Variants in STXBP5L observed in about 807,000 individuals in gnomAD.
STXBP5L encodes syntaxin-binding protein 5-like.
STXBP5L carries 65 observed loss-of-function variants against 144.5 expected under a neutral mutation model. The observed-to-expected ratio is 0.45, with a 90% confidence interval of 0.37 to 0.55. The LOEUF (loss-of-function observed/expected upper bound fraction) is 0.55. Among genes scored for constraint, STXBP5L ranks in the 20% least tolerant of loss-of-function variants. The pLI, the probability that STXBP5L is intolerant of heterozygous loss-of-function variation, is 0.00. For synonymous variants in STXBP5L, 505 were observed against 469.6 expected, an observed-to-expected ratio of 1.08 and a Z score of -0.97; for missense variants, 1,298 against 1,405.5, an observed-to-expected ratio of 0.92 and a Z score of 1.22.
intron 15 of STXBP5L, among the ~76,000 whole-genome samples, chr3:121,252,381 CAAAT>C (rs35454737): frequency 6.0e-5 from 9 of 150,012 alleles, no homozygotes; most frequent in Admixed American, 6.6e-5. Context: ...AGAAAAATAA[CAAAT>C]AAATAAATAA....
chr3:121,193,486 G>C (rs1427195745), intron 9 of STXBP5L, among the ~76,000 whole-genome samples: 1 of 151,830 alleles, frequency 6.6e-6, no homozygotes, highest in Non-Finnish European at 1.5e-5. Flanking sequence ...GTACCCAAAG[G>C]ATTATAAATC....
chr3:121,229,362 A>C (rs1360720837), intron 11 of STXBP5L, among the ~76,000 whole-genome samples: 1 of 152,070 alleles, frequency 6.6e-6, no homozygotes, highest in Non-Finnish European at 1.5e-5. Context: ...ATTTTTTCTC[A>C]ATAAAAGACA....
chr3:120,911,668 A>G (rs1708848669), intron 2 of STXBP5L, among the ~76,000 whole-genome samples: 1 of 152,092 alleles, frequency 6.6e-6, no homozygotes, highest in African/African-American at 2.4e-5. Context: ...AGTGGGTTAT[A>G]ATAATATTAG....
intron 20 of STXBP5L, among the ~76,000 whole-genome samples, chr3:121,322,004 C>A (rs2043986432): frequency 6.6e-6 from 1 of 152,082 alleles, no homozygotes; most frequent in Non-Finnish European, 1.5e-5. Flanking sequence ...ACTCTTGTCC[C>A]CCTTCCTTCC....
intron 3 of STXBP5L, among the ~76,000 whole-genome samples, chr3:120,981,326 A>G (rs1576562382): frequency 6.6e-6 from 1 of 152,126 alleles, no homozygotes; most frequent in East Asian, 1.9e-4. Context: ...TTCTGAAACA[A>G]TGATAACTCA....
intron 19 of STXBP5L, among the ~76,000 whole-genome samples, chr3:121,313,096 C>T (rs1331127890): frequency 6.9e-6 from 1 of 145,478 alleles, no homozygotes; most frequent in Non-Finnish European, 1.5e-5. Context: ...GGGGCTGACC[C>T]CCCCACCACC....
intron 7 of STXBP5L, among the ~76,000 whole-genome samples, chr3:121,129,501 A>T (rs1272937767): frequency 6.6e-6 from 1 of 152,052 alleles, no homozygotes. Flanking sequence ...TCCCAATCAC[A>T]GCTGCCTAGC....
intron 17 of STXBP5L, among the ~76,000 whole-genome samples, chr3:121,258,032 A>G (rs1306546121): frequency 6.6e-6 from 1 of 152,210 alleles, no homozygotes; most frequent in Non-Finnish European, 1.5e-5. Context: ...AGAGTTCTAT[A>G]TTAGAAAAAA....
At chr3:121,328,928 G>T (rs2044237076) in intron 20 of STXBP5L, among the ~76,000 whole-genome samples, 1 of 151,068 alleles carries the variant, frequency 6.6e-6, no homozygotes, top group South Asian at 2.1e-4. Context: ...TTAGAAAATG[G>T]AATATAAAAA....
intron 5 of STXBP5L, among the ~76,000 whole-genome samples, chr3:121,089,781 T>A (rs543257600): frequency 3.9e-5 from 6 of 152,144 alleles, no homozygotes; most frequent in Non-Finnish European, 8.8e-5. Context: ...ATATTATTTG[T>A]TTTTTCAGAT....
intron 12 of STXBP5L, among the ~76,000 whole-genome samples, chr3:121,234,852 T>G: frequency 6.6e-6 from 1 of 152,042 alleles, no homozygotes; most frequent in Non-Finnish European, 1.5e-5. Flanking sequence ...TGAGTCTTAT[T>G]AAAACATACT....
chr3:121,020,854 A>AC (rs1945500605), intron 3 of STXBP5L, among the ~76,000 whole-genome samples: 2 of 148,582 alleles, frequency 1.3e-5, no homozygotes, highest in African/African-American at 4.9e-5. Flanking sequence ...TACAATGAAA[A>AC]AAAAAAACCC....
chr3:120,999,694 T>G (rs1271252071), intron 3 of STXBP5L, among the ~76,000 whole-genome samples: 1 of 152,126 alleles, frequency 6.6e-6, no homozygotes, highest in Non-Finnish European at 1.5e-5. Context: ...CTTACATATG[T>G]TTTTGTGATG....
At chr3:121,315,940 T>C (rs1049551671) in intron 19 of STXBP5L, among the ~76,000 whole-genome samples, 13 of 151,236 alleles carry the variant, frequency 8.6e-5, no homozygotes, top group Non-Finnish European at 1.9e-4. Context: ...GAGGCGGAGG[T>C]TGCAGTGAGC....
At chr3:121,340,496 G>A (rs1207055704) in intron 20 of STXBP5L, among the ~76,000 whole-genome samples, 2 of 28,138 alleles carry the variant, frequency 7.1e-5, no homozygotes, top group Non-Finnish European at 1.4e-4. Flanking sequence ...CCCACCCCCC[G>A]ACAGGCCCCG....
chr3:121,121,509 A>T, intron 6 of STXBP5L, 132 bp from the exon 7 acceptor site: 1 of 533,956 alleles, frequency 1.9e-6, no homozygotes, highest in Non-Finnish European at 3.2e-6. Flanking sequence ...TAAAAAACTT[A>T]AGTGAATCTG....
chr3:121,009,552 G>T (rs1233998021), intron 3 of STXBP5L, among the ~76,000 whole-genome samples: 1 of 151,954 alleles, frequency 6.6e-6, no homozygotes, highest in Admixed American at 6.6e-5. Flanking sequence ...ACCTTATGGA[G>T]AGGACCCATT....
chr3:121,248,979 T>C (rs2049946900), intron 14 of STXBP5L, among the ~76,000 whole-genome samples: 1 of 152,136 alleles, frequency 6.6e-6, no homozygotes, highest in African/African-American at 2.4e-5. Flanking sequence ...TTCTCAGTTT[T>C]CTCTTCTGTT....
At chr3:121,049,331 G>A (rs1211902752) in intron 5 of STXBP5L, among the ~76,000 whole-genome samples, 1 of 152,128 alleles carries the variant, frequency 6.6e-6, no homozygotes, top group Non-Finnish European at 1.5e-5. Flanking sequence ...TGGAGAGCTG[G>A]TAGTGGCCTA....
Sources: allele counts gnomAD v4.1 joint callset (sites outside exome capture counted in the v4.1 genomes callset), GRCh38; gene constraint gnomAD v4.1.1; transcripts MANE v1.5; gene names NCBI Gene and HGNC (gene_info 2026-07-23, HGNC 2026-07-21).